The following FYTTD1 variants were observed in gnomAD, a reference collection of about 807,000 sequenced individuals.
The protein encoded by FYTTD1 is UAP56-interacting factor.
Under a neutral mutation model 40.9 loss-of-function variants are expected in FYTTD1, and 22 were observed. The ratio of observed to expected loss-of-function variants is 0.54; its 90% confidence interval spans 0.38 to 0.77. The LOEUF (loss-of-function observed/expected upper bound fraction) is 0.77, where lower values mean the gene tolerates loss of function less well. FYTTD1 is among the 30% of genes least tolerant of loss of function. FYTTD1 has a pLI of 0.00. For missense variants in FYTTD1, 351 were observed against 392.2 expected, an observed-to-expected ratio of 0.90 and a Z score of 0.89; for synonymous variants, 140 against 137.9, an observed-to-expected ratio of 1.01 and a Z score of -0.10.
chr3:197,767,996 T>G (rs1729601192), intron 2 of FYTTD1, among the ~76,000 whole-genome samples: 1 of 152,254 alleles, frequency 6.6e-6, no homozygotes, highest in African/African-American at 2.4e-5. Context: ...TGAATATATT[T>G]TACTTAGCCC....
intron 2 of FYTTD1, among the ~76,000 whole-genome samples, 200 bp downstream of exon 2, chr3:197,756,757 C>T (rs533016225): frequency 1.3e-5 from 2 of 152,290 alleles, no homozygotes; most frequent in East Asian, 1.9e-4. Flanking sequence ...GTCTCTTAAA[C>T]GTTGTAAGTC....
intron 2 of FYTTD1, among the ~76,000 whole-genome samples, chr3:197,767,074 C>T (rs534030): frequency 1.0e-4 from 15 of 149,600 alleles, no homozygotes; most frequent in Middle Eastern, 3.4e-3. Context: ...TTAATTTACC[C>T]CCTTTTTTTT....
chr3:197,765,394 G>T (rs1447848176), intron 2 of FYTTD1, among the ~76,000 whole-genome samples: 1 of 152,226 alleles, frequency 6.6e-6, no homozygotes, highest in South Asian at 2.1e-4. Flanking sequence ...ATAGTACTCA[G>T]CACAGTGCCT....
At chr3:197,751,293 AG>A (rs1166751279) in intron 1 of FYTTD1, among the ~76,000 whole-genome samples, 1 of 152,242 alleles carries the variant, frequency 6.6e-6, no homozygotes, top group Non-Finnish European at 1.5e-5. Flanking sequence ...CAGAAATAAT[AG>A]GTTTGGCCTC....
At chr3:197,774,698 G>C (rs779595731) in intron 6 of FYTTD1, among the ~76,000 whole-genome samples, 1 of 149,468 alleles carries the variant, frequency 6.7e-6, no homozygotes, top group African/African-American at 2.5e-5. Context: ...AGCATAGCTC[G>C]ATCGCCAGTG....
chr3:197,770,591 G>A (rs1729688580), intron 4 of FYTTD1, among the ~76,000 whole-genome samples: 1 of 152,202 alleles, frequency 6.6e-6, no homozygotes, highest in African/African-American at 2.4e-5. Context: ...TGTTGCTGAG[G>A]CTGGAGTGCA....
intron 1 of FYTTD1, 43 bp downstream of exon 1, chr3:197,750,117 G>C: frequency 2.1e-6 from 3 of 1,425,746 alleles, no homozygotes; most frequent in Non-Finnish European, 2.9e-6. Flanking sequence ...GGGGGAGGGC[G>C]CGGGTGGAAG....
chr3:197,757,996 C>T (rs190979235), intron 2 of FYTTD1, among the ~76,000 whole-genome samples: 481 of 152,320 alleles, frequency 3.2e-3, no homozygotes, highest in Non-Finnish European at 5.0e-3. Flanking sequence ...CTCTGCCTCC[C>T]GGGTTCAAGC....
In FYTTD1 at chr3:197,785,143, A is replaced by G. The variant is rs888521006; in HGVS notation, c.*3234A>G. ...TATTACTTTGCTATTTGGGTTAGGT[A>G]GACCTGTTAGAAAAGTCCAGTGTTC... On this transcript the variant is annotated 3_prime_UTR_variant, in exon 9 of 9. Coordinates refer to ENST00000241502, the MANE Select transcript of FYTTD1 (RefSeq NM_032288.7). 2.0e-5 allele frequency: 3 copies of G among 152,250 alleles called. No homozygotes were observed. Among genetic ancestry groups the G allele is most frequent in the Non-Finnish European group, 4.4e-5 (3 of 68,042 alleles). 9.4% of individuals were successfully genotyped at this position (152,250 alleles called of 1,614,324 possible).
At chr3:197,755,639 T>G in intron 1 of FYTTD1, 1 of 229,958 alleles carries the variant, frequency 4.3e-6, no homozygotes, top group East Asian at 9.3e-5. Flanking sequence ...TTTATTTATT[T>G]ATTTATTTAT....
At chr3:197,753,848 T>G (rs1399184953) in intron 1 of FYTTD1, among the ~76,000 whole-genome samples, 1 of 152,118 alleles carries the variant, frequency 6.6e-6, no homozygotes, top group African/African-American at 2.4e-5. Context: ...CACAACATTC[T>G]CCTGCCTCAG....
chr3:197,758,248 T>C (rs1729266764), intron 2 of FYTTD1, among the ~76,000 whole-genome samples: 1 of 151,564 alleles, frequency 6.6e-6, no homozygotes, highest in East Asian at 1.9e-4. Flanking sequence ...TTGAACATAC[T>C]ATATATTTTT....
At chr3:197,776,517 G>A (rs1729880797) in intron 6 of FYTTD1, among the ~76,000 whole-genome samples, 1 of 150,502 alleles carries the variant, frequency 6.6e-6, no homozygotes, top group African/African-American at 2.4e-5. Context: ...GCCAGTGCCC[G>A]GCTGCAGCAA....
intron 1 of FYTTD1, chr3:197,750,753 G>A: frequency 5.1e-6 from 5 of 985,544 alleles, no homozygotes; most frequent in Non-Finnish European, 6.0e-6. Flanking sequence ...AGGCCTCAGA[G>A]CTAGCTAATG....
intron 2 of FYTTD1, among the ~76,000 whole-genome samples, chr3:197,760,198 G>A (rs1729337506): frequency 7.5e-6 from 1 of 133,336 alleles, no homozygotes; most frequent in Non-Finnish European, 1.5e-5. Context: ...AACATATCGA[G>A]TTGTTCCTCA....
At position 197,772,345 on chromosome 3, in the gene FYTTD1, A is replaced by T. The variant is rs182594474; in HGVS notation, c.498-1058A>T. On this transcript the variant is annotated intron_variant, in intron 4 of 8. Coordinates refer to ENST00000241502, the MANE Select transcript of FYTTD1 (RefSeq NM_032288.7). ...TATAGTGTTTCATATTTATCAATAC[A>T]TCAGTTGAAGACATGGAATGTTAGA... Among the ~76,000 whole-genome samples the T allele has an allele frequency of 4.6e-5, 7 of 152,328 alleles. No homozygotes were observed. In the East Asian group the frequency reaches 1.2e-3, roughly 25 times the overall value.
intron 4 of FYTTD1, among the ~76,000 whole-genome samples, chr3:197,773,055 T>G (rs1729763799): frequency 6.6e-6 from 1 of 152,234 alleles, no homozygotes; most frequent in Non-Finnish European, 1.5e-5. Flanking sequence ...GTGGTTTTTC[T>G]TTGTACTAAT....
chr3:197,771,371 G>A (rs1290226819), intron 4 of FYTTD1, among the ~76,000 whole-genome samples: 1 of 152,148 alleles, frequency 6.6e-6, no homozygotes, highest in Non-Finnish European at 1.5e-5. Flanking sequence ...TTTAAAAAAT[G>A]CAGTGGCTGG....
rs748695115 is a variant in FYTTD1 at position 197,768,567 on chromosome 3, C to T, written c.364C>T (p.Arg122Cys). Residue 122 changes from arginine (R) to cysteine (C), a missense_variant, in exon 3 of 9, where the codon CGT becomes TGT. Arg to Cys is a radical substitution (Grantham distance 180). Transcript: ENST00000241502. ...TCGAAAAGGAATTAGTCCTATGAAT[C>T]GTCCACCTCTAAGTGACAAGGTAGG... Reference protein sequence around the residue: ...GIRKGISPMNRPPLSDKNIEQ... With the variant: ...GIRKGISPMNCPPLSDKNIEQ... 6 of 1,613,466 alleles carry T rather than the reference C, an allele frequency of 3.7e-6. No individual in the cohort carries two copies. The highest frequency in any genetic ancestry group is 5.1e-6 in the Non-Finnish European group (6 of 1,179,738).
Sources: allele counts gnomAD v4.1 joint callset (sites outside exome capture counted in the v4.1 genomes callset), GRCh38; gene constraint gnomAD v4.1.1; transcripts MANE v1.5; gene names NCBI Gene and HGNC (gene_info 2026-07-23, HGNC 2026-07-21).